CALN1: variants seen among roughly 807,000 people sequenced by gnomAD.
The protein encoded by CALN1 is calneuron 1.
In CALN1, 17 loss-of-function variants were observed where a neutral mutation model predicts 30.6. The observed-to-expected ratio is 0.56, with a 90% CI of 0.38 to 0.83. The LOEUF is 0.83. CALN1 is among the 40% of genes least tolerant of loss of function. The pLI, the probability that CALN1 is intolerant of heterozygous loss-of-function variation, is 0.00. For missense variants in CALN1, 291 were observed against 354.9 expected, an observed-to-expected ratio of 0.82 and a Z score of 1.45; for synonymous variants, 156 against 131.4, an observed-to-expected ratio of 1.19 and a Z score of -1.28.
At chr7:72,393,551 C>T (rs909445888) in intron 2 of CALN1, among the ~76,000 whole-genome samples, 5 of 152,144 alleles carry the variant, frequency 3.3e-5, no homozygotes, top group African/African-American at 1.2e-4. Flanking sequence ...AACTACCTGT[C>T]ATAAAGCAAG....
At chr7:71,913,003 A>T (rs910785011) in intron 5 of CALN1, among the ~76,000 whole-genome samples, 4 of 152,338 alleles carry the variant, frequency 2.6e-5, no homozygotes, top group African/African-American at 9.6e-5. Context: ...AGCAGCACCC[A>T]TCAAGTGGAG....
At position 72,168,212 on chromosome 7, in the gene CALN1, T is replaced by C. The variant is rs540649418; in HGVS notation, c.245-61918A>G. Among the ~76,000 whole-genome samples the C allele has an allele frequency of 1.3e-4, 19 of 144,250 alleles. No homozygotes were observed. In the South Asian group the frequency reaches 3.8e-3, roughly 29 times the overall value. 94.6% of individuals were successfully genotyped at this position (144,250 alleles called of 152,430 possible). ...AATTCATTTACATTTTCTCAACACA[T>C]ACTTAATTTTTGCAAACAAGCAAAA... On this transcript the variant is annotated intron_variant, in intron 3 of 6. Coordinates refer to ENST00000395275, the MANE Select transcript of CALN1 (RefSeq NM_031468.4).
intron 2 of CALN1, among the ~76,000 whole-genome samples, chr7:72,292,630 G>A (rs1310864722): frequency 6.6e-6 from 1 of 151,234 alleles, no homozygotes; most frequent in Non-Finnish European, 1.5e-5. Context: ...AGACCAGCCT[G>A]GCCAACATGG....
At chr7:72,157,028 C>G (rs955822133) in intron 3 of CALN1, among the ~76,000 whole-genome samples, 1 of 152,108 alleles carries the variant, frequency 6.6e-6, no homozygotes, top group Non-Finnish European at 1.5e-5. Flanking sequence ...ATGACATAAA[C>G]GCCAGTCAAA....
intron 3 of CALN1, among the ~76,000 whole-genome samples, chr7:72,275,869 G>A (rs1261331037): frequency 6.6e-6 from 1 of 152,188 alleles, no homozygotes; most frequent in African/African-American, 2.4e-5. Context: ...GGGCACCCAA[G>A]TAGGGAGAGG....
chr7:72,417,251 G>A (rs1807452676), upstream of CALN1, among the ~76,000 whole-genome samples: 1 of 152,184 alleles, frequency 6.6e-6, no homozygotes, highest in Non-Finnish European at 1.5e-5. Context: ...CAGAGACCTT[G>A]GGCAGACCCC....
chr7:72,340,791 C>T (rs999794067), intron 2 of CALN1, among the ~76,000 whole-genome samples: 3 of 152,072 alleles, frequency 2.0e-5, no homozygotes, highest in Non-Finnish European at 2.9e-5. Flanking sequence ...ACCATGGGGG[C>T]GGTTTCTCCC....
intron 2 of CALN1, among the ~76,000 whole-genome samples, chr7:72,338,443 T>A (rs1289870128): frequency 7.0e-6 from 1 of 142,434 alleles, no homozygotes; most frequent in Non-Finnish European, 1.5e-5. Flanking sequence ...CCAGGGAAGT[T>A]TGGGCGTTTT....
intron 3 of CALN1, among the ~76,000 whole-genome samples, chr7:72,109,237 A>C (rs181702363): frequency 6.6e-6 from 1 of 152,264 alleles, no homozygotes; most frequent in East Asian, 1.9e-4. Flanking sequence ...AGCAGAGAGA[A>C]GACCACCCTG....
chr7:71,890,358 C>G (rs868602505), intron 5 of CALN1, among the ~76,000 whole-genome samples: 6 of 152,182 alleles, frequency 3.9e-5, no homozygotes, highest in Non-Finnish European at 5.9e-5. Flanking sequence ...GGAGCCATTA[C>G]TTGTTTATAA....
rs376581942 is a variant in CALN1, at chr7:72,108,363, G to A, written c.245-2069C>T. 1.8e-4 allele frequency among the ~76,000 whole-genome samples: 27 copies of A among 152,352 alleles called. 1 individual carries two copies. In the East Asian group the frequency reaches 4.8e-3, roughly 27 times the overall value. On this transcript the variant is annotated intron_variant, in intron 3 of 6. Coordinates refer to ENST00000395275, the MANE Select transcript of CALN1 (RefSeq NM_031468.4). ...TAAGATAGCATTTATAAATCTCAGAGATTAGGATTTGATATCTTTGGGGGC... is the reference window on the plus strand; with the variant it reads ...TAAGATAGCATTTATAAATCTCAGAAATTAGGATTTGATATCTTTGGGGGC...
At chr7:72,042,583 A>G (rs1802196332) in intron 4 of CALN1, among the ~76,000 whole-genome samples, 1 of 152,118 alleles carries the variant, frequency 6.6e-6, no homozygotes, top group Non-Finnish European at 1.5e-5. Flanking sequence ...ACTCTCAAAC[A>G]GGGGCAGGAG....
chr7:72,121,022 T>C (rs1448106306), intron 3 of CALN1, among the ~76,000 whole-genome samples: 3 of 150,962 alleles, frequency 2.0e-5, no homozygotes, highest in Non-Finnish European at 4.4e-5. Context: ...ACCAGGACTG[T>C]TTTGGGGGTG....
intron 2 of CALN1, among the ~76,000 whole-genome samples, chr7:72,371,628 G>C (rs1804246945): frequency 6.6e-6 from 1 of 152,132 alleles, no homozygotes; most frequent in African/African-American, 2.4e-5. Flanking sequence ...ACCCAGTCTT[G>C]GGCAGTTCTT....
chr7:71,981,914 A>T (rs1798418478), intron 5 of CALN1, among the ~76,000 whole-genome samples: 1 of 152,084 alleles, frequency 6.6e-6, no homozygotes, highest in South Asian at 2.1e-4. Flanking sequence ...AGTCGAGGAA[A>T]AACACAGCTG....
At chr7:72,488,759 C>A in the CALN1 span, among the ~76,000 whole-genome samples, 4 of 152,138 alleles carry the variant, frequency 2.6e-5, no homozygotes, top group Non-Finnish European at 5.9e-5. Flanking sequence ...TCATAACTCA[C>A]TGCAGCTTTA....
At chr7:71,830,170 A>C (rs746143934) in intron 5 of CALN1, among the ~76,000 whole-genome samples, 5 of 151,558 alleles carry the variant, frequency 3.3e-5, no homozygotes, top group South Asian at 2.1e-4. Context: ...CAGCCTCCCG[A>C]ATAGCTGGGA....
chr7:71,873,247 ATC>A (rs1296185506), intron 5 of CALN1, among the ~76,000 whole-genome samples: 2 of 152,144 alleles, frequency 1.3e-5, no homozygotes, highest in African/African-American at 4.8e-5. Flanking sequence ...ACCTCAGGTA[ATC>A]TGTCTGTCTC....
At chr7:71,860,536 A>T (rs929152534) in intron 5 of CALN1, among the ~76,000 whole-genome samples, 1 of 151,946 alleles carries the variant, frequency 6.6e-6, no homozygotes, top group African/African-American at 2.4e-5. Flanking sequence ...ACTTTCTTTC[A>T]CTTTACTCTA....
Sources: gnomAD v4.1 joint callset for allele counts (sites outside exome capture counted in the v4.1 genomes callset) on GRCh38, gnomAD v4.1.1 for gene constraint, MANE v1.5 for transcripts, NCBI Gene and HGNC (gene_info 2026-07-23, HGNC 2026-07-21) for gene names.